TBC1D22B: variants seen among roughly 807,000 people sequenced by gnomAD.
TBC1D22B encodes the protein TBC1 domain family member 22B.
Under a neutral mutation model 69.1 loss-of-function variants are expected in TBC1D22B, and 32 were observed. That is an observed-to-expected ratio of 0.46 (90% CI 0.35 to 0.62). The LOEUF is 0.62. TBC1D22B is among the 20% of genes least tolerant of loss of function. TBC1D22B has a pLI of 0.00. For synonymous variants in TBC1D22B, 206 were observed against 229.8 expected, an observed-to-expected ratio of 0.90 and a Z score of 0.94; for missense variants, 462 against 630.9, an observed-to-expected ratio of 0.73 and a Z score of 2.87.
intron 7 of TBC1D22B, among the ~76,000 whole-genome samples, chr6:37,287,385 G>A (rs963059571): frequency 2.0e-5 from 3 of 152,150 alleles, no homozygotes; most frequent in African/African-American, 7.2e-5. Flanking sequence ...TTTTTAAATT[G>A]TGGTAAAATA....
At chr6:37,276,240 C>T (rs1254296046) in intron 2 of TBC1D22B, among the ~76,000 whole-genome samples, 20 of 152,224 alleles carry the variant, frequency 1.3e-4, no homozygotes, top group Non-Finnish European at 1.5e-5. Context: ...TCTGGGATTA[C>T]AGGCATGAGC....
At chr6:37,286,967 A>AG in intron 6 of TBC1D22B, 40 bp from the exon 7 acceptor site, 1 of 1,571,008 alleles carries the variant, frequency 6.4e-7, no homozygotes, top group Non-Finnish European at 8.6e-7. Flanking sequence ...ACAAAAAAAA[A>AG]CTGGCATTTG....
At chr6:37,299,511 A>G (rs1581608170) in intron 8 of TBC1D22B, among the ~76,000 whole-genome samples, 1 of 152,216 alleles carries the variant, frequency 6.6e-6, no homozygotes, top group South Asian at 2.1e-4. Context: ...TGTCCATTCA[A>G]CAAGTATTTA....
chr6:37,262,695 G>A (rs1490281233), intron 1 of TBC1D22B, among the ~76,000 whole-genome samples: 7 of 152,174 alleles, frequency 4.6e-5, no homozygotes, highest in Non-Finnish European at 8.8e-5. Flanking sequence ...AATTATCATC[G>A]AAACAGCATA....
chr6:37,328,067 A>G (rs1768480568), intron 12 of TBC1D22B, among the ~76,000 whole-genome samples: 1 of 150,958 alleles, frequency 6.6e-6, no homozygotes, highest in Non-Finnish European at 1.5e-5. Context: ...TAATCCCAGC[A>G]CTTTGGGAGG....
chr6:37,301,887 C>T, intron 8 of TBC1D22B, among the ~76,000 whole-genome samples: 1 of 152,238 alleles, frequency 6.6e-6, no homozygotes, highest in South Asian at 2.1e-4. Flanking sequence ...TCTCATGGAA[C>T]AGGCCAGCAG....
rs1330035060 is a variant in TBC1D22B at position 37,287,289 on chromosome 6, G to A, written c.867+217G>A. ...CTAAGGAACTTGCTCAGAATTTTGA[G>A]GCTACCTGGTGGCAGAATGAAGAAC... On this transcript the variant is annotated intron_variant, in intron 7 of 12. Coordinates refer to ENST00000373491, the MANE Select transcript of TBC1D22B (RefSeq NM_017772.4). Among the ~76,000 whole-genome samples the A allele has an allele frequency of 2.6e-5, 4 of 152,220 alleles. No individual in the cohort carries two copies. In the South Asian group the frequency reaches 8.3e-4, roughly 31 times the overall value.
At chr6:37,321,137 C>T (rs569818297) in intron 12 of TBC1D22B, among the ~76,000 whole-genome samples, 2 of 152,196 alleles carry the variant, frequency 1.3e-5, no homozygotes, top group African/African-American at 4.8e-5. Context: ...TTCATCCTTG[C>T]AACAATCCTA....
chr6:37,269,928 A>G (rs1583527442), intron 2 of TBC1D22B, among the ~76,000 whole-genome samples: 2 of 152,190 alleles, frequency 1.3e-5, no homozygotes, highest in South Asian at 2.1e-4. Context: ...AAAGGTCTTT[A>G]TTGATTAAAT....
chr6:37,284,301 G>T (rs1396366230), intron 5 of TBC1D22B, 35 bp from the exon 6 acceptor site: 29 of 1,613,788 alleles, frequency 1.8e-5, no homozygotes, highest in Non-Finnish European at 2.2e-5. Context: ...TCCAACCATT[G>T]TCTTTCCCCA....
At position 37,331,314 on chromosome 6, in the gene TBC1D22B, C is replaced by G. The variant is rs552743970; in HGVS notation, c.*142C>G. The G allele has an allele frequency of 4.0e-5, 31 of 766,616 alleles. No homozygotes were observed. Among genetic ancestry groups the G allele is most frequent in the Non-Finnish European group, 6.2e-5 (29 of 465,322 alleles). 47.5% of individuals were successfully genotyped at this position (766,616 alleles called of 1,614,324 possible). A position where few individuals can be genotyped will look rare whatever the true frequency, so the allele number is the denominator to read the frequency against. On this transcript the variant is annotated 3_prime_UTR_variant, in exon 13 of 13. Coordinates refer to ENST00000373491, the MANE Select transcript of TBC1D22B (RefSeq NM_017772.4). ...CACCCACCGCCCAGGTCTTAACTTT[C>G]TGGCATCCACCACTCCATGTCTCTG... is the stretch of plus-strand genomic sequence containing the variant.
chr6:37,282,286 G>A lies in TBC1D22B; in HGVS notation c.523G>A (p.Ala175Thr), dbSNP rs778955950. 15 of 1,613,680 alleles carry A rather than the reference G, an allele frequency of 9.3e-6. No homozygotes were observed. The East Asian group carries it at 3.3e-4, about 36-fold the overall frequency. The part of the protein sequence containing the change: ...ARISDQNASG[A>T]PPMTVREKTR... ...GATCTCGGATCAGAACGCTTCTGGG[G>A]CCCCCCCAATGACTGTCCGGGAGAA... Residue 175 changes from alanine (A) to threonine (T), a missense_variant, in exon 4 of 13, where the codon GCC becomes ACC. Ala to Thr is a moderately conservative substitution (Grantham distance 58). Transcript: ENST00000373491.
At chr6:37,297,234 A>G (rs147094856) in intron 8 of TBC1D22B, among the ~76,000 whole-genome samples, 36 of 152,326 alleles carry the variant, frequency 2.4e-4, no homozygotes, top group African/African-American at 7.5e-4. Context: ...AATCTATTCA[A>G]CAGTTTGAAT....
At chr6:37,293,280 T>C (rs1257708485) in intron 8 of TBC1D22B, among the ~76,000 whole-genome samples, 1 of 152,054 alleles carries the variant, frequency 6.6e-6, no homozygotes, top group Non-Finnish European at 1.5e-5. Flanking sequence ...GGTTTCACCA[T>C]GTTAGCCAGG....
chr6:37,327,065 T>C (rs1200641965), intron 12 of TBC1D22B, among the ~76,000 whole-genome samples: 1 of 151,862 alleles, frequency 6.6e-6, no homozygotes, highest in East Asian at 1.9e-4. Context: ...GATAGGGACA[T>C]GGTGCGGGAA....
At chr6:37,299,799 C>A (rs1241911456) in intron 8 of TBC1D22B, among the ~76,000 whole-genome samples, 17 of 151,802 alleles carry the variant, frequency 1.1e-4, no homozygotes, top group Admixed American at 9.2e-4. Context: ...CACATGAGAT[C>A]AGGAGTTCCA....
chr6:37,298,548 T>G (rs1435205822), intron 8 of TBC1D22B, among the ~76,000 whole-genome samples: 2 of 140,376 alleles, frequency 1.4e-5, no homozygotes, highest in African/African-American at 5.6e-5. Context: ...AGTTTTTTTT[T>G]TTTTTTTTTT....
At chr6:37,297,114 A>T (rs1470647023) in intron 8 of TBC1D22B, among the ~76,000 whole-genome samples, 1 of 152,234 alleles carries the variant, frequency 6.6e-6, no homozygotes, top group African/African-American at 2.4e-5. Context: ...GGCGTGAGCC[A>T]CTGCACCTGG....
chr6:37,270,576 A>G (rs1032966719), intron 2 of TBC1D22B, among the ~76,000 whole-genome samples: 14 of 152,214 alleles, frequency 9.2e-5, no homozygotes, highest in Admixed American at 7.2e-4. Context: ...GTGGCTCTGT[A>G]TCCATACCCC....
Sources: allele counts gnomAD v4.1 joint callset (sites outside exome capture counted in the v4.1 genomes callset), GRCh38; gene constraint gnomAD v4.1.1; transcripts MANE v1.5; gene names NCBI Gene and HGNC (gene_info 2026-07-23, HGNC 2026-07-21).